The following CDH12 variants were observed in gnomAD, a reference collection of about 807,000 sequenced individuals.
CDH12 encodes cadherin 12, also known as cadherin-12.
CDH12 carries 41 observed loss-of-function variants against 74.1 expected under a neutral mutation model. The observed-to-expected ratio is 0.55, with a 90% confidence interval of 0.43 to 0.72. CDH12 has a LOEUF of 0.72. Ranked by LOEUF, CDH12 falls within the 30% of genes least tolerant of loss-of-function variation. The pLI, the probability that CDH12 is intolerant of heterozygous loss-of-function variation, is 0.00. For synonymous variants in CDH12, 399 were observed against 355.0 expected (o/e 1.12, Z -1.39); for missense variants, 945 against 977.2 (o/e 0.97, Z 0.44).
chr5:22,696,209 A>C (rs1742349746), intron 1 of CDH12, among the ~76,000 whole-genome samples: 1 of 151,952 alleles, frequency 6.6e-6, no homozygotes, highest in South Asian at 2.1e-4. Flanking sequence ...CTCTACTGAA[A>C]AATACAAAAA....
At chr5:21,871,560 C>A (rs767648812) in intron 6 of CDH12, among the ~76,000 whole-genome samples, 3 of 151,944 alleles carry the variant, frequency 2.0e-5, no homozygotes, top group Non-Finnish European at 4.4e-5. Context: ...TGGAGAAACC[C>A]CTCTCTACTA....
intron 3 of CDH12, among the ~76,000 whole-genome samples, chr5:22,220,513 T>C (rs1049183306): frequency 6.6e-6 from 1 of 151,746 alleles, no homozygotes; most frequent in Admixed American, 6.6e-5. Context: ...CATGAGAAAC[T>C]AAATTTTTTT....
intron 1 of CDH12, among the ~76,000 whole-genome samples, chr5:22,785,270 T>A (rs1747567237): frequency 6.6e-6 from 1 of 152,192 alleles, no homozygotes; most frequent in Non-Finnish European, 1.5e-5. Flanking sequence ...TGCCCCTGAT[T>A]ATAAATTTGA....
At chr5:22,289,136 G>A (rs1050817783) in intron 3 of CDH12, among the ~76,000 whole-genome samples, 36 of 152,126 alleles carry the variant, frequency 2.4e-4, no homozygotes, top group African/African-American at 8.2e-4. Context: ...ACAAACAACA[G>A]AAGCATTTTC....
intron 3 of CDH12, among the ~76,000 whole-genome samples, chr5:22,260,272 T>C (rs1753462060): frequency 6.6e-6 from 1 of 152,118 alleles, no homozygotes; most frequent in Admixed American, 6.5e-5. Flanking sequence ...GTATCATCTC[T>C]AATTTGAGAA....
At chr5:22,330,017 G>T (rs928685318) in intron 3 of CDH12, among the ~76,000 whole-genome samples, 2 of 152,228 alleles carry the variant, frequency 1.3e-5, no homozygotes, top group African/African-American at 4.8e-5. Context: ...GGAGACACCA[G>T]CTGTGGGGCT....
At chr5:21,841,746 A>G (rs1361549005) in intron 8 of CDH12, among the ~76,000 whole-genome samples, 6 of 151,726 alleles carry the variant, frequency 4.0e-5, no homozygotes, top group Non-Finnish European at 8.8e-5. Context: ...TTCTCAGTAA[A>G]CTATCGCAAG....
At chr5:21,954,418 T>C (rs1211956045) in intron 6 of CDH12, among the ~76,000 whole-genome samples, 3 of 152,092 alleles carry the variant, frequency 2.0e-5, no homozygotes, top group Non-Finnish European at 4.4e-5. Context: ...GCTTCTAATA[T>C]CTAAATTAAT....
At chr5:21,758,645 C>CT (rs1168308506) in intron 13 of CDH12, among the ~76,000 whole-genome samples, 1 of 152,108 alleles carries the variant, frequency 6.6e-6, no homozygotes, top group African/African-American at 2.4e-5. Flanking sequence ...CTTAATATTT[C>CT]TAATCCAGTG....
chr5:22,478,417 C>CAAAAAA (rs34576542), intron 2 of CDH12, among the ~76,000 whole-genome samples: 66 of 87,546 alleles, frequency 7.5e-4, no homozygotes, highest in East Asian at 1.0e-3. Context: ...GACTCCGTCT[C>CAAAAAA]AAAAAAAAAA....
At chr5:22,185,053 G>A (rs548185425) in intron 4 of CDH12, among the ~76,000 whole-genome samples, 20 of 151,754 alleles carry the variant, frequency 1.3e-4, no homozygotes, top group African/African-American at 2.2e-4. Context: ...CTCTCTATCC[G>A]TCCATGTGTT....
chr5:22,590,481 T>G (rs1740645677), intron 1 of CDH12, among the ~76,000 whole-genome samples: 1 of 152,152 alleles, frequency 6.6e-6, no homozygotes, highest in African/African-American at 2.4e-5. Context: ...AATATAAAAC[T>G]GATTATACAG....
chr5:22,678,593 C>A (rs191467261), intron 1 of CDH12, among the ~76,000 whole-genome samples: 8 of 151,980 alleles, frequency 5.3e-5, no homozygotes, highest in African/African-American at 1.7e-4. Context: ...ATGTACTTTG[C>A]GGCCACCTTA....
At chr5:22,790,645 A>G (rs977592770) in intron 1 of CDH12, among the ~76,000 whole-genome samples, 19 of 151,680 alleles carry the variant, frequency 1.3e-4, no homozygotes, top group Middle Eastern at 3.5e-3. Context: ...TATTTATACT[A>G]TATATATACT....
At chr5:22,335,281 TG>T (rs1739525323) in intron 3 of CDH12, among the ~76,000 whole-genome samples, 1 of 152,156 alleles carries the variant, frequency 6.6e-6, no homozygotes, top group Admixed American at 6.5e-5. Flanking sequence ...GATTGAATCA[TG>T]GGGGCAGGTC....
chr5:22,010,160 A>G (rs1174480256), intron 5 of CDH12, among the ~76,000 whole-genome samples: 1 of 152,146 alleles, frequency 6.6e-6, no homozygotes, highest in East Asian at 1.9e-4. Context: ...TTGCTTTACC[A>G]TCATATTCGA....
chr5:22,742,925 A>G (rs1560998381), intron 1 of CDH12, among the ~76,000 whole-genome samples: 1 of 151,882 alleles, frequency 6.6e-6, no homozygotes, highest in Non-Finnish European at 1.5e-5. Flanking sequence ...TGAGATTAAC[A>G]TTTAAATGGA....
At chr5:22,758,585 T>G (rs1219282284) in intron 1 of CDH12, among the ~76,000 whole-genome samples, 1 of 152,044 alleles carries the variant, frequency 6.6e-6, no homozygotes, top group Non-Finnish European at 1.5e-5. Context: ...TCCCATTTTC[T>G]CAGCATAAAA....
intron 4 of CDH12, among the ~76,000 whole-genome samples, chr5:22,158,706 C>CT (rs1303867254): frequency 6.6e-6 from 1 of 152,056 alleles, no homozygotes; most frequent in African/African-American, 2.4e-5. Context: ...ACAGAATACA[C>CT]TTTTTGTTTG....
Sources: allele counts gnomAD v4.1 joint callset (sites outside exome capture counted in the v4.1 genomes callset), GRCh38; gene constraint gnomAD v4.1.1; transcripts MANE v1.5; gene names NCBI Gene and HGNC (gene_info 2026-07-23, HGNC 2026-07-21).